Variants in SYT9 observed in about 807,000 individuals in gnomAD.
The protein encoded by SYT9 is synaptotagmin 9.
A neutral mutation model predicts 48.4 loss-of-function variants in SYT9; 22 were observed. That is an observed-to-expected ratio of 0.45 (90% CI 0.32 to 0.65). The LOEUF is 0.65. Ranked by LOEUF, SYT9 falls within the 30% of genes least tolerant of loss-of-function variation. The pLI is 0.03. For synonymous variants in SYT9, 265 were observed against 245.0 expected (o/e 1.08, Z -0.76); for missense variants, 577 against 622.0 (o/e 0.93, Z 0.77).
intron 3 of SYT9, among the ~76,000 whole-genome samples, chr11:7,366,212 T>G (rs1430415534): frequency 2.0e-5 from 3 of 152,196 alleles, no homozygotes; most frequent in Non-Finnish European, 4.4e-5. Context: ...GTTTTGGGCC[T>G]TCTTCTGCAA....
intron 1 of SYT9, among the ~76,000 whole-genome samples, chr11:7,265,925 C>T (rs1049868069): frequency 6.6e-6 from 1 of 152,092 alleles, no homozygotes; most frequent in Admixed American, 6.6e-5. Context: ...TAGAGAATAA[C>T]ATGGTTGCTT....
chr11:7,431,390 T>C (rs1418119139), intron 6 of SYT9, among the ~76,000 whole-genome samples: 1 of 152,220 alleles, frequency 6.6e-6, no homozygotes, highest in Non-Finnish European at 1.5e-5. Context: ...GGAACTTATA[T>C]TTAAACAAGA....
At chr11:7,321,608 A>G (rs753998218) in intron 3 of SYT9, among the ~76,000 whole-genome samples, 4 of 152,224 alleles carry the variant, frequency 2.6e-5, no homozygotes, top group Non-Finnish European at 4.4e-5. Context: ...AGGGCAACTC[A>G]GTAATGTTTG....
At chr11:7,461,819 C>G (rs1848241955) in intron 6 of SYT9, among the ~76,000 whole-genome samples, 1 of 152,222 alleles carries the variant, frequency 6.6e-6, no homozygotes, top group South Asian at 2.1e-4. Flanking sequence ...AATTTTGGCC[C>G]TATAGTAATT....
intron 3 of SYT9, among the ~76,000 whole-genome samples, chr11:7,338,137 A>G (rs1013981596): frequency 6.6e-6 from 1 of 151,998 alleles, no homozygotes; most frequent in African/African-American, 2.4e-5. Flanking sequence ...AGGTTTTTAA[A>G]TGTGTGTGCG....
chr11:7,240,201 C>A (rs11041271), intron 1 of SYT9, among the ~76,000 whole-genome samples: 1 of 151,964 alleles, frequency 6.6e-6, no homozygotes, highest in African/African-American at 2.4e-5. Flanking sequence ...GAGCTGTTGT[C>A]CAGCCTCCCG....
intron 3 of SYT9, among the ~76,000 whole-genome samples, chr11:7,348,539 A>C (rs1198348979): frequency 1.3e-5 from 2 of 152,090 alleles, no homozygotes; most frequent in Non-Finnish European, 2.9e-5. Context: ...CAGATACTGA[A>C]CATTCTGTAA....
chr11:7,382,876 C>T (rs758170807), intron 3 of SYT9, among the ~76,000 whole-genome samples: 3 of 152,184 alleles, frequency 2.0e-5, no homozygotes, highest in Non-Finnish European at 2.9e-5. Flanking sequence ...CATCCCATGG[C>T]CCTGTGAGGC....
At position 7,314,199 on chromosome 11, in the gene SYT9, C is replaced by T. The variant is rs1293398166; in HGVS notation, c.1044+258C>T. Reference sequence around the variant, plus strand: ...TCTACTTTCAGATTCTTAGCTAGCCCCTAAGAGACAGCAGGTGTTATCTGT... The same window carrying T: ...TCTACTTTCAGATTCTTAGCTAGCCTCTAAGAGACAGCAGGTGTTATCTGT... On this transcript the variant is annotated intron_variant, in intron 3 of 6. Transcript: ENST00000318881. 3 of 593,340 alleles carry T rather than the reference C, an allele frequency of 5.1e-6. No homozygotes were observed. In the Admixed American group the frequency reaches 6.5e-5, roughly 13 times the overall value. The allele number at this position is 593,340 out of a possible 1,614,324, so 36.8% of individuals were successfully genotyped here.
Position 7,468,734 on chromosome 11 carries a change from G to A in SYT9, c.*1934G>A, listed in dbSNP as rs916770365. The A allele has an allele frequency of 1.9e-5, 3 of 156,458 alleles. No homozygotes were observed. Among genetic ancestry groups the A allele is most frequent in the African/African-American group, 7.2e-5 (3 of 41,648 alleles). 9.7% of individuals were successfully genotyped at this position (156,458 alleles called of 1,614,324 possible). ...CTGGGTTGGAGATCCTGAGGCAGCT[G>A]TGCCTACTGTTCCCCACCTCAGAAG... is the stretch of plus-strand genomic sequence containing the variant. On this transcript the variant is annotated 3_prime_UTR_variant, in exon 7 of 7. Transcript: ENST00000318881.
intron 3 of SYT9, among the ~76,000 whole-genome samples, chr11:7,379,530 C>A (rs1564883191): frequency 6.6e-6 from 1 of 152,066 alleles, no homozygotes; most frequent in Non-Finnish European, 1.5e-5. Flanking sequence ...TATTCTAAAT[C>A]TTCTTGTGTC....
chr11:7,391,516 G>A (rs1846609790), intron 3 of SYT9, among the ~76,000 whole-genome samples: 1 of 151,888 alleles, frequency 6.6e-6, no homozygotes, highest in Non-Finnish European at 1.5e-5. Context: ...GTGTGAGAGA[G>A]TATCTCATTG....
intron 6 of SYT9, among the ~76,000 whole-genome samples, chr11:7,444,900 C>G (rs1010552453): frequency 3.1e-4 from 47 of 152,348 alleles, no homozygotes; most frequent in African/African-American, 1.1e-3. Context: ...CCAGGAGAGT[C>G]TTCCCCTGCT....
In SYT9 at chr11:7,468,968, T is replaced by A. The variant is rs184004291; in HGVS notation, c.*2168T>A. The A allele has an allele frequency of 4.3e-4, 63 of 148,176 alleles. No individual in the cohort carries two copies. The highest frequency in any genetic ancestry group is 1.5e-3 in the African/African-American group (61 of 39,558). The allele number at this position is 148,176 out of a possible 1,614,324, so 9.2% of individuals were successfully genotyped here. ...TAAATTTGAACTCCCTCAGCCCATT[T>A]GCAACTCTGCCTCTGTTCTCTTGCA... On this transcript the variant is annotated 3_prime_UTR_variant, in exon 7 of 7. Transcript: ENST00000318881.
intron 2 of SYT9, among the ~76,000 whole-genome samples, chr11:7,310,228 G>T (rs963740829): frequency 6.6e-6 from 1 of 152,080 alleles, no homozygotes; most frequent in Admixed American, 6.5e-5. Context: ...CTGCCACCTG[G>T]GTTTAAGCGA....
chr11:7,251,311 G>A (rs1589885625), upstream of SYT9, among the ~76,000 whole-genome samples: 1 of 152,026 alleles, frequency 6.6e-6, no homozygotes, highest in Admixed American at 6.5e-5. Context: ...AAAACTAAGG[G>A]ACCCACGAAG....
At chr11:7,251,189 G>C (rs1847861147), upstream of SYT9, among the ~76,000 whole-genome samples, 2 of 151,756 alleles carry the variant, frequency 1.3e-5, no homozygotes, top group Non-Finnish European at 2.9e-5. Flanking sequence ...TGAAAAGATG[G>C]GTGGATGAGA....
rs10628508 is a variant in SYT9 at position 7,298,657 on chromosome 11, C to CTTT, written c.146-4375_146-4373dup. Among the ~76,000 whole-genome samples the CTTT allele has an allele frequency of 4.6e-4, 69 of 150,448 alleles. No homozygotes were observed. The East Asian group carries it at 5.7e-3, about 12-fold the overall frequency. ...TCACCGTCACTCTAATACAGGTCCA[C>CTTT]TTTTTTTTTAATGCTTGCAGGAATC... is the stretch of plus-strand genomic sequence containing the variant. On this transcript the variant is annotated intron_variant, in intron 1 of 6. Coordinates refer to ENST00000318881, the MANE Select transcript of SYT9 (RefSeq NM_175733.4).
intron 3 of SYT9, among the ~76,000 whole-genome samples, chr11:7,393,685 C>T (rs1267828622): frequency 1.3e-5 from 2 of 152,044 alleles, no homozygotes; most frequent in African/African-American, 2.4e-5. Flanking sequence ...TCTTTCTATG[C>T]CTGATATAAT....
Sources: allele counts gnomAD v4.1 joint callset (sites outside exome capture counted in the v4.1 genomes callset), GRCh38; gene constraint gnomAD v4.1.1; transcripts MANE v1.5; gene names NCBI Gene and HGNC (gene_info 2026-07-23, HGNC 2026-07-21).